ZBTB20: variants seen among roughly 807,000 people sequenced by gnomAD.
ZBTB20 encodes zinc finger and BTB domain containing 20.
Under a neutral mutation model 56.9 loss-of-function variants are expected in ZBTB20, and 9 were observed. The observed-to-expected ratio is 0.16, with a 90% CI of 0.10 to 0.28. ZBTB20 has a LOEUF of 0.28. Ranked by LOEUF, ZBTB20 falls within the 10% of genes least tolerant of loss-of-function variation. The pLI is 1.00. For missense variants in ZBTB20, 655 were observed against 1,003.0 expected, an observed-to-expected ratio of 0.65 and a Z score of 4.69; for synonymous variants, 417 against 420.7, an observed-to-expected ratio of 0.99 and a Z score of 0.11.
At chr3:115,127,453 G>A (rs1280065188) in intron 1 of ZBTB20, among the ~76,000 whole-genome samples, 2 of 152,170 alleles carry the variant, frequency 1.3e-5, no homozygotes, top group Non-Finnish European at 2.9e-5. Flanking sequence ...AGCCAGGCAC[G>A]ATGGCATACA....
At chr3:114,789,883 T>C (rs2070809779) in intron 5 of ZBTB20, among the ~76,000 whole-genome samples, 1 of 152,162 alleles carries the variant, frequency 6.6e-6, no homozygotes, top group South Asian at 2.1e-4. Flanking sequence ...CTCTTGATTG[T>C]GTATATTTTT....
chr3:114,660,705 G>A (rs915854566), intron 6 of ZBTB20, among the ~76,000 whole-genome samples: 2 of 151,992 alleles, frequency 1.3e-5, no homozygotes, highest in Non-Finnish European at 2.9e-5. Context: ...TTCATAATCA[G>A]CACAACAAGA....
chr3:114,601,131 T>C (rs2056732557), intron 6 of ZBTB20, among the ~76,000 whole-genome samples: 1 of 152,072 alleles, frequency 6.6e-6, no homozygotes, highest in Admixed American at 6.6e-5. Flanking sequence ...GTGTTAGCTT[T>C]CTTATCTTTA....
intron 6 of ZBTB20, among the ~76,000 whole-genome samples, chr3:114,612,635 G>A (rs1375331368): frequency 1.3e-5 from 2 of 151,934 alleles, no homozygotes; most frequent in Non-Finnish European, 2.9e-5. Context: ...TCTTTTTTAC[G>A]TGATATTCAC....
intron 4 of ZBTB20, among the ~76,000 whole-genome samples, chr3:114,801,486 T>A (rs1022700150): frequency 4.0e-5 from 6 of 151,710 alleles, no homozygotes; most frequent in Middle Eastern, 3.4e-3. Flanking sequence ...TGTTTCTGAA[T>A]TTTAGCTATA....
chr3:114,955,670 T>G (rs2077222075), intron 3 of ZBTB20, among the ~76,000 whole-genome samples: 1 of 152,090 alleles, frequency 6.6e-6, no homozygotes, highest in Admixed American at 6.6e-5. Context: ...CATCTTCAAA[T>G]AGAAATGATA....
chr3:115,034,505 A>C (rs2080834099), intron 2 of ZBTB20, among the ~76,000 whole-genome samples: 1 of 151,720 alleles, frequency 6.6e-6, no homozygotes, highest in African/African-American at 2.4e-5. Context: ...TATCACAAAG[A>C]ATAATACTAT....
intron 5 of ZBTB20, among the ~76,000 whole-genome samples, chr3:114,700,058 C>CT (rs918550556): frequency 6.6e-5 from 10 of 151,828 alleles, no homozygotes; most frequent in South Asian, 2.1e-4. Context: ...CTATCTTATA[C>CT]TTTTTTTTAT....
intron 1 of ZBTB20, among the ~76,000 whole-genome samples, chr3:115,125,060 A>T (rs1402586871): frequency 6.6e-6 from 1 of 152,090 alleles, no homozygotes; most frequent in Non-Finnish European, 1.5e-5. Context: ...TGTGATATAC[A>T]GGCCAGGCAT....
rs544623603 is a variant in ZBTB20, at chr3:114,887,252, G to C, written c.-417+13052C>G. 2.0e-4 allele frequency among the ~76,000 whole-genome samples: 30 copies of C among 152,224 alleles called. No individual in the cohort carries two copies. The South Asian group carries it at 4.8e-3, about 24-fold the overall frequency. ...GGCTTAACTTTCAACATGAGTTTTG[G>C]AGGGGACAAAAATTCAAACCATAGC... On this transcript the variant is annotated intron_variant, in intron 4 of 11. Coordinates refer to ENST00000675478, the MANE Select transcript of ZBTB20 (RefSeq NM_001348800.3).
intron 6 of ZBTB20, chr3:114,528,936 G>T (rs1306382841): frequency 2.0e-5 from 3 of 152,132 alleles, no homozygotes; most frequent in Admixed American, 1.3e-4. Flanking sequence ...ACCCATGCAG[G>T]TGAAGCTAGA....
chr3:114,382,764 A>C (rs2084544957), intron 8 of ZBTB20, among the ~76,000 whole-genome samples: 1 of 152,114 alleles, frequency 6.6e-6, no homozygotes, highest in South Asian at 2.1e-4. Context: ...AAGCTCTCTG[A>C]AGGTAAGGAA....
chr3:115,017,797 T>C (rs897257241), intron 2 of ZBTB20, among the ~76,000 whole-genome samples: 4 of 151,512 alleles, frequency 2.6e-5, no homozygotes, highest in African/African-American at 7.3e-5. Context: ...GGTAATGAAA[T>C]GAAGGATGCC....
At chr3:114,633,587 G>A (rs1230459368) in intron 6 of ZBTB20, among the ~76,000 whole-genome samples, 1 of 152,038 alleles carries the variant, frequency 6.6e-6, no homozygotes, top group Non-Finnish European at 1.5e-5. Flanking sequence ...GAGAGTTCCT[G>A]GATTTTTACC....
At chr3:114,398,717 T>TGATGAAAA (rs1221740473) in intron 7 of ZBTB20, among the ~76,000 whole-genome samples, 6 of 152,142 alleles carry the variant, frequency 3.9e-5, no homozygotes, top group Non-Finnish European at 7.4e-5. Context: ...CATGGTAACT[T>TGATGAAAA]GATGAAAAGA....
At chr3:114,595,261 T>A (rs1374913819) in intron 6 of ZBTB20, among the ~76,000 whole-genome samples, 2 of 152,188 alleles carry the variant, frequency 1.3e-5, no homozygotes, top group Non-Finnish European at 2.9e-5. Flanking sequence ...GGAGGCCACA[T>A]TTATAGCTGG....
chr3:114,773,075 T>C (rs897889471), intron 5 of ZBTB20, among the ~76,000 whole-genome samples: 2 of 152,182 alleles, frequency 1.3e-5, no homozygotes, highest in Non-Finnish European at 2.9e-5. Flanking sequence ...GATCTAAAGA[T>C]GGTTCCCAGC....
At chr3:114,358,262 T>C (rs1489874831) in intron 10 of ZBTB20, among the ~76,000 whole-genome samples, 3 of 152,196 alleles carry the variant, frequency 2.0e-5, no homozygotes, top group Non-Finnish European at 4.4e-5. Flanking sequence ...TTCCCTTTCT[T>C]CCTTTTTGCT....
At position 114,576,501 on chromosome 3, in the gene ZBTB20, CAAAAAAAAAAAAAAAAAAAAAAAAA is replaced by C. The variant is rs61714991; in HGVS notation, c.-294-76135_-294-76111del. Among the ~76,000 whole-genome samples, 64 of 24,108 alleles carry C rather than the reference CAAAAAAAAAAAAAAAAAAAAAAAAA, an allele frequency of 2.7e-3. 1 individual carries two copies. The highest frequency in any genetic ancestry group is 0.017 in the East Asian group (7 of 414). 15.8% of individuals were successfully genotyped at this position (24,108 alleles called of 152,430 possible). ...TGGGTGACAGAGCAAGACTCCGTCT[CAAAAAAAAAAAAAAAAAAAAAAAAA>C]AAAAAAAAAAAAAAAAAAAAAATGT... On this transcript the variant is annotated intron_variant, in intron 6 of 11. Coordinates refer to ENST00000675478, the MANE Select transcript of ZBTB20 (RefSeq NM_001348800.3).
Sources: gnomAD v4.1 joint callset for allele counts (sites outside exome capture counted in the v4.1 genomes callset) on GRCh38, gnomAD v4.1.1 for gene constraint, MANE v1.5 for transcripts, NCBI Gene and HGNC (gene_info 2026-07-23, HGNC 2026-07-21) for gene names.